The following RGS12 variants were observed in gnomAD, a reference collection of about 807,000 sequenced individuals.
RGS12 encodes the protein regulator of G protein signaling 12.
In RGS12, 66 loss-of-function variants were observed where a neutral mutation model predicts 120.1. That is an observed-to-expected ratio of 0.55 (90% CI 0.45 to 0.67). The LOEUF (loss-of-function observed/expected upper bound fraction) is 0.67. Among genes scored for constraint, RGS12 ranks in the 30% least tolerant of loss-of-function variants. The pLI is 0.00. For missense variants in RGS12, 1,859 were observed against 1,957.7 expected (o/e 0.95, Z 0.95); for synonymous variants, 827 against 804.7 (o/e 1.03, Z -0.47).
At chr4:3,345,863 A>T (rs867079014) in intron 3 of RGS12, among the ~76,000 whole-genome samples, 1 of 152,204 alleles carries the variant, frequency 6.6e-6, no homozygotes, top group African/African-American at 2.4e-5. Flanking sequence ...TCAAATGACC[A>T]TAGGGAATTG....
intron 3 of RGS12, among the ~76,000 whole-genome samples, chr4:3,367,537 G>A (rs1326191059): frequency 2.6e-5 from 4 of 152,278 alleles, no homozygotes; most frequent in African/African-American, 9.6e-5. Flanking sequence ...GGTGGAGCAC[G>A]AAGCAGGGGC....
chr4:3,319,735 C>T lies in RGS12; in HGVS notation c.1881+1684C>T, dbSNP rs117091525. 1.1e-4 allele frequency among the ~76,000 whole-genome samples: 17 copies of T among 152,340 alleles called. No homozygotes were observed. In the East Asian group the frequency reaches 1.7e-3, roughly 16 times the overall value. On this transcript the variant is annotated intron_variant, in intron 2 of 17. Transcript: ENST00000336727. ...GCTGGGATTACAGGCATGAGCCACA[C>T]GCGCCTGGCCTCAGCCTCCTTAGAG...
chr4:3,360,139 A>G (rs976310677), intron 3 of RGS12, among the ~76,000 whole-genome samples: 2 of 152,160 alleles, frequency 1.3e-5, no homozygotes, highest in African/African-American at 2.4e-5. Flanking sequence ...AGGTTATCCA[A>G]TGTATTGGTG....
At chr4:3,345,892 A>G (rs1159142976) in intron 3 of RGS12, among the ~76,000 whole-genome samples, 1 of 152,124 alleles carries the variant, frequency 6.6e-6, no homozygotes, top group Non-Finnish European at 1.5e-5. Flanking sequence ...TTTTTATAAT[A>G]TATGGCCTGT....
chr4:3,431,007 C>T, intron 17 of RGS12, 52 bp downstream of exon 17: 17 of 1,588,716 alleles, frequency 1.1e-5, no homozygotes, highest in Non-Finnish European at 1.3e-5. Context: ...GTGGTCTGCT[C>T]AGCTTCCAGT....
At chr4:3,411,662 T>C (rs941004523) in intron 4 of RGS12, among the ~76,000 whole-genome samples, 1 of 152,086 alleles carries the variant, frequency 6.6e-6, no homozygotes, top group Non-Finnish European at 1.5e-5. Context: ...GCACAAAGAG[T>C]CAGCCCACTC....
upstream of RGS12, among the ~76,000 whole-genome samples, chr4:3,288,435 C>T (rs1722949553): frequency 6.6e-6 from 1 of 152,182 alleles, no homozygotes; most frequent in African/African-American, 2.4e-5. This position sits in a 1 kb window ranked among gnomAD's most constrained non-coding sequence, Gnocchi z 5.2. Context: ...GCTCCTGAGG[C>T]ACAGCTTCCC....
chr4:3,430,825 C>T lies in RGS12; in HGVS notation c.3984C>T (p.Gly1328=), dbSNP rs1256585856. The T allele has an allele frequency of 6.2e-7, 1 of 1,611,640 alleles. No homozygotes were observed. The highest frequency in any genetic ancestry group is 2.2e-5 in the East Asian group (1 of 44,872). The part of the protein sequence containing the change: ...KRQSQEVEAG[G]IQTVEDEHVA... The stretch of plus-strand genomic sequence containing the variant: ...AGTCTCAGGAAGTGGAGGCCGGGGG[C>T]ATCCAGACGGTGGAGGATGAGCACG... Residue 1328 remains glycine, a synonymous_variant, in exon 17 of 18, where the codon GGC becomes GGT. Transcript: ENST00000336727.
rs1011974280 is a variant in RGS12 at position 3,389,087 on chromosome 4, G to A, written c.2020+2650G>A. Among the ~76,000 whole-genome samples the A allele has an allele frequency of 2.0e-5, 3 of 152,196 alleles. No individual in the cohort carries two copies. The highest frequency in any genetic ancestry group is 2.9e-5 in the Non-Finnish European group (2 of 68,042). On this transcript the variant is annotated intron_variant, in intron 4 of 17. Transcript: ENST00000336727. This position sits in a 1 kb window ranked among gnomAD's most constrained non-coding sequence, Gnocchi z 5.2. ...ATGCCACGGTTTCATTCTGTGACGCGTATCGTGCTTTTATAGCTTAGGCTC... is the reference window on the plus strand; with the variant it reads ...ATGCCACGGTTTCATTCTGTGACGCATATCGTGCTTTTATAGCTTAGGCTC...
intron 2 of RGS12, among the ~76,000 whole-genome samples, chr4:3,338,350 G>A (rs1237225386): frequency 1.3e-5 from 2 of 152,236 alleles, no homozygotes; most frequent in Non-Finnish European, 2.9e-5. Context: ...GTGAGCCACT[G>A]TGCCCAGCAA....
chr4:3,423,297 G>T (rs1723238436), intron 12 of RGS12, among the ~76,000 whole-genome samples: 1 of 152,222 alleles, frequency 6.6e-6, no homozygotes, highest in Non-Finnish European at 1.5e-5. Context: ...AGGCTGCTGT[G>T]CAGGACACTG....
chr4:3,298,763 T>C (rs1723518407), intron 1 of RGS12, among the ~76,000 whole-genome samples: 1 of 152,252 alleles, frequency 6.6e-6, no homozygotes, highest in Non-Finnish European at 1.5e-5. Flanking sequence ...ATCTTCAAAC[T>C]GCTATTAAGT....
At position 3,372,031 on chromosome 4, in the gene RGS12, G is replaced by A. The variant is rs887721666; in HGVS notation, c.1999-14385G>A. Among the ~76,000 whole-genome samples, 5 of 152,206 alleles carry A rather than the reference G, an allele frequency of 3.3e-5. No individual in the cohort carries two copies. The highest frequency in any genetic ancestry group is 7.3e-5 in the Non-Finnish European group (5 of 68,036). On this transcript the variant is annotated intron_variant, in intron 3 of 17. Transcript: ENST00000336727. The surrounding 1 kb of genome is among the most constrained non-coding windows in gnomAD (Gnocchi z 4.3). ...ATGCCTGGTTCCCTGGCTTTGGCAG[G>A]CCGGGAAGATGCCCGTGCCTGTCAC...
chr4:3,429,841 A>G lies in RGS12; in HGVS notation c.3566-566A>G, dbSNP rs190065641. On this transcript the variant is annotated intron_variant, in intron 16 of 17. Transcript: ENST00000336727. ...CCTCTGCCCTAGGCCTGGGAGGACC[A>G]CCCTCTGCCCAGAGGCAGTGACCCC... Among the ~76,000 whole-genome samples the G allele has an allele frequency of 4.6e-5, 7 of 152,116 alleles. No homozygotes were observed. In the East Asian group the frequency reaches 1.4e-3, roughly 29 times the overall value.
At chr4:3,427,819 A>G (rs920125383) in intron 14 of RGS12, among the ~76,000 whole-genome samples, 1 of 152,258 alleles carries the variant, frequency 6.6e-6, no homozygotes, top group Non-Finnish European at 1.5e-5. Context: ...ATTTATGCCA[A>G]ATAGTATATG....
chr4:3,328,744 A>G (rs1014253132), intron 2 of RGS12, among the ~76,000 whole-genome samples: 1 of 152,206 alleles, frequency 6.6e-6, no homozygotes, highest in African/African-American at 2.4e-5. Context: ...CTAGGGTTCT[A>G]CGCAAAGTCA....
chr4:3,358,199 T>C (rs1028042155), intron 3 of RGS12, among the ~76,000 whole-genome samples: 22 of 152,204 alleles, frequency 1.4e-4, no homozygotes, highest in Admixed American at 5.9e-4. Context: ...TGTGTCCTCC[T>C]GTTGGCAGAA....
Position 3,425,578 on chromosome 4 carries a change from A to G in RGS12, c.3331+18A>G. 1 of 1,548,402 alleles carries G rather than the reference A, an allele frequency of 6.5e-7. No homozygotes were observed. Among genetic ancestry groups the G allele is most frequent in the South Asian group, 1.1e-5 (1 of 89,582 alleles). On this transcript the variant is annotated intron_variant, in intron 14 of 17. Coordinates refer to ENST00000336727, the MANE Select transcript of RGS12 (RefSeq NM_001394154.1). ...AGGAAAGGGTGAGTAGGGCTGGTGCAGCGGATGGGGAGAGGGTGAGTGGGT... is the reference window on the plus strand; with the variant it reads ...AGGAAAGGGTGAGTAGGGCTGGTGCGGCGGATGGGGAGAGGGTGAGTGGGT...
upstream of RGS12, among the ~76,000 whole-genome samples, chr4:3,291,753 CCGCTCTGGCCG>C (rs1578654133): frequency 6.6e-6 from 1 of 152,292 alleles, no homozygotes; most frequent in East Asian, 1.9e-4. Context: ...CTTCCTGTAA[CCGCTCTGGCCG>C]CGCTCCTTCA....
Sources: allele counts gnomAD v4.1 joint callset (sites outside exome capture counted in the v4.1 genomes callset), GRCh38; gene constraint gnomAD v4.1.1; non-coding constraint Gnocchi (gnomAD v3.1); transcripts MANE v1.5; gene names NCBI Gene and HGNC (gene_info 2026-07-23, HGNC 2026-07-21).